Variants in UGDH observed in about 807,000 individuals in gnomAD.
UGDH encodes UDP-glucose 6-dehydrogenase.
UGDH carries 38 observed loss-of-function variants against 50.6 expected under a neutral mutation model. That is an observed-to-expected ratio of 0.75 (90% confidence interval 0.58 to 0.98). The LOEUF is 0.98. Ranked by LOEUF, UGDH falls within the 50% of genes least tolerant of loss-of-function variation. The pLI, the probability that UGDH is intolerant of heterozygous loss-of-function variation, is 0.00. For synonymous variants in UGDH, 168 were observed against 199.9 expected (o/e 0.84, Z 1.35); for missense variants, 465 against 606.2 (o/e 0.77, Z 2.45).
intron 1 of UGDH, chr4:39,526,965 G>A (rs1365725178): frequency 7.9e-7 from 1 of 1,258,286 alleles, no homozygotes; most frequent in Non-Finnish European, 1.0e-6. Context: ...TTCCTGTGGT[G>A]GGCGTTCGGC....
intron 11 of UGDH, among the ~76,000 whole-genome samples, chr4:39,502,748 A>C (rs924624750): frequency 6.6e-6 from 1 of 151,864 alleles, no homozygotes; most frequent in African/African-American, 2.4e-5. Flanking sequence ...TAATTGACAA[A>C]CTGTTTTTTG....
intron 8 of UGDH, 33 bp downstream of exon 8, chr4:39,505,585 C>T: frequency 1.3e-6 from 2 of 1,550,992 alleles, no homozygotes; most frequent in Non-Finnish European, 1.7e-6. Context: ...AACACAATCT[C>T]AAAAGGGTTG....
At chr4:39,501,762 C>T (rs1377388027) in intron 11 of UGDH, among the ~76,000 whole-genome samples, 1 of 152,142 alleles carries the variant, frequency 6.6e-6, no homozygotes, top group Non-Finnish European at 1.5e-5. Context: ...AGCAAGCCAG[C>T]CTTCACTAAA....
chr4:39,517,705 C>T (rs1212978769), intron 2 of UGDH, among the ~76,000 whole-genome samples: 2 of 152,158 alleles, frequency 1.3e-5, no homozygotes, highest in African/African-American at 4.8e-5. Context: ...CACTACTATT[C>T]CCAAATTACC....
intron 7 of UGDH, among the ~76,000 whole-genome samples, chr4:39,507,408 C>T (rs1041138185): frequency 3.3e-5 from 5 of 152,126 alleles, no homozygotes; most frequent in African/African-American, 9.7e-5. Context: ...TTTTTGGAGA[C>T]GAAGTCTCGC....
At chr4:39,518,265 G>T (rs1292090124) in intron 2 of UGDH, among the ~76,000 whole-genome samples, 1 of 152,054 alleles carries the variant, frequency 6.6e-6, no homozygotes, top group Non-Finnish European at 1.5e-5. Flanking sequence ...TAATATTTAG[G>T]TTGTTCCTTC....
In UGDH at chr4:39,520,061, G is replaced by A. The variant is rs139934648; in HGVS notation, c.162+1290C>T. 1.2e-4 allele frequency among the ~76,000 whole-genome samples: 19 copies of A among 152,136 alleles called. 1 individual carries two copies. In the East Asian group the frequency reaches 3.1e-3, roughly 25 times the overall value. ...AGTCATAAAGAAATAAGCTTCAGCC[G>A]GGCATGGTGGCTCACACCTGTAATC... On this transcript the variant is annotated intron_variant, in intron 2 of 11. Transcript: ENST00000316423.
rs1350160049 is a variant in UGDH at position 39,511,547 on chromosome 4, G to A, written c.265-686C>T. Among the ~76,000 whole-genome samples the A allele has an allele frequency of 2.6e-5, 4 of 152,004 alleles. No individual in the cohort carries two copies. The East Asian group carries it at 7.7e-4, about 29-fold the overall frequency. ...CAAAGTGCTGGGATTACAGGCGTGA[G>A]CCACCGCACCTGGCCTCCTTTCTTA... On this transcript the variant is annotated intron_variant, in intron 3 of 11. Coordinates refer to ENST00000316423, the MANE Select transcript of UGDH (RefSeq NM_003359.4).
chr4:39,500,870 T>C (rs1309665142), intron 11 of UGDH, among the ~76,000 whole-genome samples: 1 of 152,138 alleles, frequency 6.6e-6, no homozygotes, highest in Non-Finnish European at 1.5e-5. Context: ...GCCAGGCTGG[T>C]CTCGAACTCC....
chr4:39,513,060 G>A (rs1746302557), intron 3 of UGDH, among the ~76,000 whole-genome samples: 1 of 152,018 alleles, frequency 6.6e-6, no homozygotes, highest in African/African-American at 2.4e-5. Flanking sequence ...CGCCTGCCTT[G>A]GCCTCCCAAA....
At chr4:39,502,305 A>G (rs938541085) in intron 11 of UGDH, among the ~76,000 whole-genome samples, 3 of 152,236 alleles carry the variant, frequency 2.0e-5, no homozygotes, top group Non-Finnish European at 4.4e-5. Flanking sequence ...TTCACAGACA[A>G]GGATGCCATT....
At chr4:39,523,945 A>G (rs6829418) in intron 1 of UGDH, among the ~76,000 whole-genome samples, 32,096 of 152,086 alleles carry the variant, frequency 0.21, 5,207 homozygotes, top group African/African-American at 0.43. Flanking sequence ...TTGCTTCCAC[A>G]CAAGCAATCC....
chr4:39,513,528 GTTCTT>G (rs1434405303), intron 3 of UGDH, among the ~76,000 whole-genome samples: 1 of 127,780 alleles, frequency 7.8e-6, no homozygotes, highest in Non-Finnish European at 1.6e-5. Flanking sequence ...GCATTTCCTA[GTTCTT>G]TTTTTTTTTT....
At chr4:39,515,995 T>C (rs1746429153) in intron 2 of UGDH, among the ~76,000 whole-genome samples, 1 of 152,204 alleles carries the variant, frequency 6.6e-6, no homozygotes, top group South Asian at 2.1e-4. Context: ...CCACTGTGCC[T>C]GGCCTAGACT....
rs113656459 is a variant in UGDH at position 39,522,435 on chromosome 4, T to C, written c.-7-916A>G. On this transcript the variant is annotated intron_variant, in intron 1 of 11. Coordinates refer to ENST00000316423, the MANE Select transcript of UGDH (RefSeq NM_003359.4). ...ATGGTAATCAGAGAGTTTAAGAATT[T>C]TTTAGTATACTCCTGTATGGATCAG... Among the ~76,000 whole-genome samples the C allele has an allele frequency of 9.7e-3, 1,484 of 152,318 alleles. 21 individuals are homozygous for C. Among genetic ancestry groups the C allele is most frequent in the African/African-American group, 0.032 (1,340 of 41,564 alleles).
At chr4:39,519,607 C>T (rs1014996566) in intron 2 of UGDH, among the ~76,000 whole-genome samples, 11 of 152,188 alleles carry the variant, frequency 7.2e-5, no homozygotes, top group East Asian at 1.9e-4. Context: ...GGCGTGATCT[C>T]GGCTCACTGC....
At chr4:39,503,258 T>C (rs964774811) in intron 11 of UGDH, among the ~76,000 whole-genome samples, 1 of 151,972 alleles carries the variant, frequency 6.6e-6, no homozygotes, top group Non-Finnish European at 1.5e-5. Context: ...CCATGTTGGC[T>C]AGGCTGGTCT....
chr4:39,508,726 T>C (rs1746121750), intron 6 of UGDH, 66 bp from the exon 7 acceptor site: 1 of 1,375,668 alleles, frequency 7.3e-7, no homozygotes, highest in African/African-American at 1.5e-5. Context: ...ATGTGACAAA[T>C]TTCTTTATAC....
chr4:39,505,023 G>GAAA (rs1745972550), intron 9 of UGDH, among the ~76,000 whole-genome samples: 1 of 152,164 alleles, frequency 6.6e-6, no homozygotes, highest in African/African-American at 2.4e-5. Flanking sequence ...GGGATTTGTG[G>GAAA]AGTATGTTGG....
Sources: gnomAD v4.1 joint callset for allele counts (sites outside exome capture counted in the v4.1 genomes callset) on GRCh38, gnomAD v4.1.1 for gene constraint, MANE v1.5 for transcripts, NCBI Gene and HGNC (gene_info 2026-07-23, HGNC 2026-07-21) for gene names.